Variants in TMTC2 observed in about 807,000 individuals in gnomAD.
TMTC2 encodes the protein protein O-mannosyl-transferase TMTC2.
Under a neutral mutation model 82.4 loss-of-function variants are expected in TMTC2, and 43 were observed. The observed-to-expected ratio is 0.52, with a 90% CI of 0.41 to 0.67. TMTC2 has a LOEUF of 0.67. Among genes scored for constraint, TMTC2 ranks in the 30% least tolerant of loss-of-function variants. The pLI is 0.00. For missense variants in TMTC2, 919 were observed against 1,012.4 expected, an observed-to-expected ratio of 0.91 and a Z score of 1.25; for synonymous variants, 408 against 381.9, an observed-to-expected ratio of 1.07 and a Z score of -0.80.
intron 9 of TMTC2, among the ~76,000 whole-genome samples, chr12:83,042,956 C>T (rs10862576): frequency 0.3 from 46,276 of 152,040 alleles, 7,145 homozygotes; most frequent in East Asian, 0.45. Flanking sequence ...TTTCCTTGTT[C>T]ACCAGCCACC....
chr12:82,977,589 T>G (rs1878730433), intron 7 of TMTC2, among the ~76,000 whole-genome samples: 1 of 151,934 alleles, frequency 6.6e-6, no homozygotes, highest in Non-Finnish European at 1.5e-5. Flanking sequence ...AAAGTATATT[T>G]CATGTGGAAT....
At chr12:82,894,033 G>T (rs1420237002) in intron 2 of TMTC2, among the ~76,000 whole-genome samples, 1 of 152,200 alleles carries the variant, frequency 6.6e-6, no homozygotes, top group African/African-American at 2.4e-5. Flanking sequence ...TGGAGGGAAG[G>T]AAAGAGGCTA....
intron 11 of TMTC2, among the ~76,000 whole-genome samples, chr12:83,125,323 G>A (rs577974164): frequency 2.6e-5 from 4 of 152,130 alleles, no homozygotes; most frequent in East Asian, 1.9e-4. Context: ...GTAGGCAGTC[G>A]TATTTAGGAC....
intron 1 of TMTC2, among the ~76,000 whole-genome samples, chr12:82,719,098 T>A (rs1874063670): frequency 8.2e-6 from 1 of 122,508 alleles, no homozygotes; most frequent in Non-Finnish European, 1.7e-5. Flanking sequence ...TTTTTTTTTT[T>A]TTTTTTTTTT....
intron 7 of TMTC2, among the ~76,000 whole-genome samples, chr12:82,969,960 G>C (rs1406115517): frequency 6.6e-6 from 1 of 152,140 alleles, no homozygotes; most frequent in Non-Finnish European, 1.5e-5. Flanking sequence ...GAAGATATGA[G>C]AATACATGAA....
intron 1 of TMTC2, among the ~76,000 whole-genome samples, chr12:82,708,513 C>T (rs1288520211): frequency 6.6e-6 from 1 of 152,150 alleles, no homozygotes; most frequent in East Asian, 1.9e-4. Flanking sequence ...CTACTATAAT[C>T]GTTACAGGTT....
At chr12:82,766,785 A>G (rs1436256964) in intron 1 of TMTC2, among the ~76,000 whole-genome samples, 3 of 151,682 alleles carry the variant, frequency 2.0e-5, no homozygotes. Flanking sequence ...TGATTCTTCT[A>G]TTTATTTATT....
chr12:82,937,928 T>TA (rs1381937920), intron 4 of TMTC2, among the ~76,000 whole-genome samples: 1 of 86,052 alleles, frequency 1.2e-5, no homozygotes, highest in African/African-American at 3.2e-5. Context: ...TTTTATTTTT[T>TA]TTTTTTGAGA....
At chr12:83,064,733 A>G (rs1882857860) in intron 11 of TMTC2, among the ~76,000 whole-genome samples, 3 of 151,912 alleles carry the variant, frequency 2.0e-5, no homozygotes, top group African/African-American at 7.2e-5. Context: ...AAATGAAGAG[A>G]CCTATTTAAA....
In TMTC2 at chr12:82,896,159, C is replaced by A. The variant is rs534776618; in HGVS notation, c.996C>A (p.Ser332Arg). Residue 332 changes from serine (S) to arginine (R), a missense_variant, in exon 3 of 12, where the codon AGC becomes AGA. Physicochemically the swap from Ser to Arg is moderately radical, Grantham distance 110. Coordinates refer to ENST00000321196, the MANE Select transcript of TMTC2 (RefSeq NM_152588.3). Reference protein sequence around the residue: ...LLAYYGLKSPSVDRECNGKTV... With the variant: ...LLAYYGLKSPRVDRECNGKTV... Reference sequence around the variant, plus strand: ...CCTACTATGGTTTGAAGAGCCCGAGCGTAGACAGAGAATGCAATGGGAAAA... The same window carrying A: ...CCTACTATGGTTTGAAGAGCCCGAGAGTAGACAGAGAATGCAATGGGAAAA... 1.2e-6 allele frequency: 2 copies of A among 1,613,790 alleles called. No individual in the cohort carries two copies. Among genetic ancestry groups the A allele is most frequent in the East Asian group, 2.2e-5 (1 of 44,862 alleles).
Position 82,895,933 on chromosome 12 carries a change from A to C in TMTC2, c.770A>C (p.Asp257Ala), listed in dbSNP as rs761298018. Residue 257 changes from aspartate to alanine, a missense_variant, in exon 3 of 12, where the codon GAC (aspartate) becomes GCC (alanine). Coordinates refer to ENST00000321196, the MANE Select transcript of TMTC2 (RefSeq NM_152588.3). ...GNKPPSFSNS[D>A]NPAADSDSLL... The stretch of plus-strand genomic sequence containing the variant: ...AAACCACCAAGCTTTTCCAACTCGG[A>C]CAACCCCGCTGCTGATTCGGACAGC... 6.2e-7 allele frequency: 1 copy of C among 1,613,772 alleles called. No individual in the cohort carries two copies. The highest frequency in any genetic ancestry group is 8.5e-7 in the Non-Finnish European group (1 of 1,180,006).
intron 1 of TMTC2, among the ~76,000 whole-genome samples, chr12:82,779,171 C>T (rs1412933398): frequency 2.0e-5 from 3 of 151,952 alleles, no homozygotes; most frequent in Non-Finnish European, 4.4e-5. Flanking sequence ...CCCAACATCA[C>T]GGCAGGGTAG....
rs570181379 is a variant in TMTC2 at position 82,855,444 on chromosome 12, A to G, written c.84-1566A>G. Among the ~76,000 whole-genome samples, 5 of 152,294 alleles carry G rather than the reference A, an allele frequency of 3.3e-5. No individual in the cohort carries two copies. The East Asian group carries it at 9.6e-4, about 29-fold the overall frequency. On this transcript the variant is annotated intron_variant, in intron 1 of 11. Coordinates refer to ENST00000321196, the MANE Select transcript of TMTC2 (RefSeq NM_152588.3). ...AGAACTGGTGGAGGGCCTAGAGTTG[A>G]ACATCATTAAGACAGTCTCCCACAA...
chr12:82,781,151 A>T (rs1877882367), intron 1 of TMTC2, among the ~76,000 whole-genome samples: 1 of 152,096 alleles, frequency 6.6e-6, no homozygotes, highest in Admixed American at 6.6e-5. Flanking sequence ...CAGGATTAAA[A>T]ACAAGACAAC....
chr12:83,129,651 G>T (rs1885201816), intron 11 of TMTC2, among the ~76,000 whole-genome samples: 1 of 152,182 alleles, frequency 6.6e-6, no homozygotes, highest in African/African-American at 2.4e-5. Flanking sequence ...TAGTAAACAT[G>T]AAGCCAGTTC....
intron 4 of TMTC2, among the ~76,000 whole-genome samples, chr12:82,960,369 G>A (rs77229748): frequency 0.075 from 11,428 of 151,996 alleles, 513 homozygotes; most frequent in Middle Eastern, 0.11. Context: ...ACAAAGCTGT[G>A]GAATCAATCT....
chr12:83,095,241 T>TG (rs1883985238), intron 11 of TMTC2, among the ~76,000 whole-genome samples: 1 of 133,072 alleles, frequency 7.5e-6, no homozygotes, highest in South Asian at 2.4e-4. Flanking sequence ...TTTTTTTTTT[T>TG]GTTTTTTTTG....
intron 8 of TMTC2, chr12:82,986,367 A>G: frequency 4.6e-6 from 1 of 215,722 alleles, no homozygotes; most frequent in African/African-American, 2.2e-5. Context: ...CCTGTATCCC[A>G]TAAATATATG....
intron 4 of TMTC2, among the ~76,000 whole-genome samples, chr12:82,944,840 A>G (rs1466265819): frequency 6.6e-6 from 1 of 152,202 alleles, no homozygotes; most frequent in African/African-American, 2.4e-5. Context: ...TTCAGAGAAC[A>G]GCATGTTGCT....
Sources: gnomAD v4.1 joint callset for allele counts (sites outside exome capture counted in the v4.1 genomes callset) on GRCh38, gnomAD v4.1.1 for gene constraint, MANE v1.5 for transcripts, NCBI Gene and HGNC (gene_info 2026-07-23, HGNC 2026-07-21) for gene names.